The following GPM6A variants were observed in gnomAD, a reference collection of about 807,000 sequenced individuals.
GPM6A encodes the protein glycoprotein M6A.
In GPM6A, 7 loss-of-function variants were observed where a neutral mutation model predicts 32.1. The observed-to-expected ratio is 0.22, with a 90% CI of 0.12 to 0.41. The LOEUF (loss-of-function observed/expected upper bound fraction) is 0.41, where lower values mean the gene tolerates loss of function less well. GPM6A is among the 10% of genes least tolerant of loss of function. The pLI is 1.00. For synonymous variants in GPM6A, 130 were observed against 123.4 expected (o/e 1.05, Z -0.35); for missense variants, 235 against 347.2 (o/e 0.68, Z 2.57).
chr4:175,880,290 C>G (rs1363743871), intron 1 of GPM6A, among the ~76,000 whole-genome samples: 1 of 152,162 alleles, frequency 6.6e-6, no homozygotes, highest in Non-Finnish European at 1.5e-5. Flanking sequence ...GTTACTGCAG[C>G]CTTGTAGTAT....
chr4:175,786,538 A>G (rs1188794607), intron 1 of GPM6A, among the ~76,000 whole-genome samples: 1 of 151,920 alleles, frequency 6.6e-6, no homozygotes, highest in East Asian at 1.9e-4. Flanking sequence ...TGTCTAAAAT[A>G]AGACATTTTT....
chr4:175,997,142 T>C (rs1741334302), intron 1 of GPM6A, among the ~76,000 whole-genome samples: 1 of 152,168 alleles, frequency 6.6e-6, no homozygotes, highest in Admixed American at 6.5e-5. Flanking sequence ...CTGAATCCCC[T>C]GCTGTCATCA....
At chr4:175,636,260 G>GTATATGTATA (rs1740582099) in intron 6 of GPM6A, among the ~76,000 whole-genome samples, 5 of 101,340 alleles carry the variant, frequency 4.9e-5, no homozygotes, top group African/African-American at 2.0e-4. Context: ...CATAATCACT[G>GTATATGTATA]TATATATATA....
At chr4:175,923,312 G>T (rs1738729346) in intron 1 of GPM6A, among the ~76,000 whole-genome samples, 1 of 147,396 alleles carries the variant, frequency 6.8e-6, no homozygotes, top group African/African-American at 2.5e-5. Context: ...ATATTTTACT[G>T]CAAAGGTAGA....
chr4:175,674,858 G>T (rs1342389823), intron 2 of GPM6A, among the ~76,000 whole-genome samples: 1 of 151,354 alleles, frequency 6.6e-6, no homozygotes, highest in Non-Finnish European at 1.5e-5. Flanking sequence ...GCATGGGAAG[G>T]TCCTTTTCAT....
intron 1 of GPM6A, among the ~76,000 whole-genome samples, chr4:175,965,653 T>C (rs1740311570): frequency 6.6e-6 from 1 of 151,154 alleles, no homozygotes; most frequent in South Asian, 2.1e-4. Flanking sequence ...TCACCCTGTC[T>C]CCCAGGCTGG....
chr4:175,776,749 A>G (rs1049585895), intron 1 of GPM6A, among the ~76,000 whole-genome samples: 4 of 152,134 alleles, frequency 2.6e-5, no homozygotes, highest in African/African-American at 7.2e-5. Flanking sequence ...AACCCCCACC[A>G]TGATTTTTGA....
At chr4:175,742,647 C>A (rs2111169137) in intron 1 of GPM6A, among the ~76,000 whole-genome samples, 1 of 152,146 alleles carries the variant, frequency 6.6e-6, no homozygotes, top group South Asian at 2.1e-4. Flanking sequence ...AAAACTGTTT[C>A]TTAGAATAAA....
intron 2 of GPM6A, among the ~76,000 whole-genome samples, chr4:175,677,068 C>T (rs894552769): frequency 6.6e-6 from 1 of 152,052 alleles, no homozygotes; most frequent in African/African-American, 2.4e-5. Context: ...AGATCAACTT[C>T]AAGATTCATC....
intron 1 of GPM6A, among the ~76,000 whole-genome samples, chr4:175,901,642 CTT>C (rs59429547): frequency 7.5e-5 from 9 of 119,444 alleles, no homozygotes; most frequent in Admixed American, 2.5e-4. Context: ...TTTTTTTTTC[CTT>C]TTTTTTTTTT....
chr4:175,941,573 T>C (rs1450118530), intron 1 of GPM6A, among the ~76,000 whole-genome samples: 3 of 152,150 alleles, frequency 2.0e-5, no homozygotes, highest in Non-Finnish European at 4.4e-5. Flanking sequence ...CCCTGGTGTG[T>C]GATGTTCCCC....
chr4:175,901,196 A>AAAG (rs1276871459), intron 1 of GPM6A, among the ~76,000 whole-genome samples: 1 of 151,722 alleles, frequency 6.6e-6, no homozygotes, highest in Non-Finnish European at 1.5e-5. Flanking sequence ...TACAAAAAAA[A>AAAG]TTAGAAAGAA....
At chr4:175,854,505 C>T (rs1421715074) in intron 1 of GPM6A, among the ~76,000 whole-genome samples, 1 of 151,992 alleles carries the variant, frequency 6.6e-6, no homozygotes, top group South Asian at 2.1e-4. Context: ...AAAGATTGAA[C>T]AAAATGTATG....
At chr4:175,662,191 A>G (rs1742460124) in intron 3 of GPM6A, among the ~76,000 whole-genome samples, 1 of 152,172 alleles carries the variant, frequency 6.6e-6, no homozygotes, top group South Asian at 2.1e-4. Flanking sequence ...ACCTCCCTGT[A>G]TAATATACTG....
At chr4:176,000,552 C>A (rs1195503855) in intron 1 of GPM6A, among the ~76,000 whole-genome samples, 3 of 152,208 alleles carry the variant, frequency 2.0e-5, no homozygotes, top group Non-Finnish European at 4.4e-5. Context: ...TCCTCTCGAG[C>A]TTGAGGTTAC....
chr4:175,994,893 T>C (rs1035454002), intron 1 of GPM6A, among the ~76,000 whole-genome samples: 1 of 152,242 alleles, frequency 6.6e-6, no homozygotes, highest in Non-Finnish European at 1.5e-5. Flanking sequence ...TGTAATACTC[T>C]AGAACCTTTG....
At chr4:175,823,705 T>G (rs1735346985) in intron 1 of GPM6A, among the ~76,000 whole-genome samples, 2 of 152,212 alleles carry the variant, frequency 1.3e-5, no homozygotes, top group African/African-American at 4.8e-5. Context: ...TTTGGTATTT[T>G]TGCTTATACG....
intron 6 of GPM6A, among the ~76,000 whole-genome samples, chr4:175,637,274 T>TAA (rs1560841877): frequency 5.7e-5 from 4 of 69,640 alleles, no homozygotes; most frequent in Non-Finnish European, 8.0e-5. Context: ...ATATTATATA[T>TAA]TATATATTAT....
In GPM6A at chr4:175,730,016, C is replaced by T. The variant is rs569267112; in HGVS notation, c.38-28249G>A. On this transcript the variant is annotated intron_variant, in intron 1 of 6. Coordinates refer to ENST00000393658, the MANE Select transcript of GPM6A (RefSeq NM_201591.3). ...GATCCTTGTACAGTCAGTCATGCTGCCTTTCATGCATACCCAACTTTCTCA... is the reference window on the plus strand; with the variant it reads ...GATCCTTGTACAGTCAGTCATGCTGTCTTTCATGCATACCCAACTTTCTCA... Among the ~76,000 whole-genome samples, 6 of 150,586 alleles carry T rather than the reference C, an allele frequency of 4.0e-5. 1 individual carries two copies. The South Asian group carries it at 1.3e-3, about 31-fold the overall frequency.
Sources: gnomAD v4.1 joint callset for allele counts (sites outside exome capture counted in the v4.1 genomes callset) on GRCh38, gnomAD v4.1.1 for gene constraint, MANE v1.5 for transcripts, NCBI Gene and HGNC (gene_info 2026-07-23, HGNC 2026-07-21) for gene names.